VDR: variants seen among roughly 807,000 people sequenced by gnomAD.
VDR encodes vitamin D receptor.
In VDR, 19 loss-of-function variants were observed where a neutral mutation model predicts 39.7. The observed-to-expected ratio is 0.48, with a 90% CI of 0.33 to 0.70. The LOEUF is 0.70. VDR is among the 30% of genes least tolerant of loss of function. The pLI, the probability that VDR is intolerant of heterozygous loss-of-function variation, is 0.02. For synonymous variants in VDR, 242 were observed against 215.8 expected, an observed-to-expected ratio of 1.12 and a Z score of -1.07; for missense variants, 442 against 570.5, an observed-to-expected ratio of 0.77 and a Z score of 2.29.
At chr12:47,873,682 C>G (rs1592130083) in intron 3 of VDR, among the ~76,000 whole-genome samples, 1 of 151,968 alleles carries the variant, frequency 6.6e-6, no homozygotes, top group Non-Finnish European at 1.5e-5. Flanking sequence ...TTATAAATTA[C>G]TCAGTCTTGG....
At chr12:47,845,754 T>C (rs551836582) in intron 9 of VDR, among the ~76,000 whole-genome samples, 50 of 152,326 alleles carry the variant, frequency 3.3e-4, no homozygotes, top group African/African-American at 1.2e-3. Context: ...AAAGCATCCC[T>C]GGGCACAGGC....
Position 47,844,913 on chromosome 12 carries a change from G to A in VDR, c.1117C>T (p.Pro373Ser). The part of the protein sequence containing the change: ...LQTYIRCRHP[P>S]PGSHLLYAKM... ...GCATAGAGCAGGTGGCTGCCCGGGG[G>A]CGGGTGGCGGCAGCGGATGTACGTC... Residue 373 changes from proline to serine, a missense_variant, in exon 10 of 10, where the codon CCC becomes TCC. Pro to Ser is a moderately conservative substitution (Grantham distance 74, BLOSUM62 -1). This residue lies in a region of VDR where 173 missense variants were observed against 252.0 expected (regional missense o/e 0.69). Coordinates refer to ENST00000549336, the MANE Select transcript of VDR (RefSeq NM_000376.3). 6.2e-7 allele frequency: 1 copy of A among 1,614,168 alleles called. No individual in the cohort carries two copies.
intron 6 of VDR, 115 bp from the exon 7 acceptor site, chr12:47,855,916 C>A: frequency 1.6e-6 from 2 of 1,218,074 alleles, no homozygotes; most frequent in Non-Finnish European, 2.4e-6. Context: ...CTGGGAATCC[C>A]ACAGTGACTC....
chr12:47,846,497 G>T, intron 8 of VDR, 46 bp from the exon 9 acceptor site: 1 of 1,550,056 alleles, frequency 6.5e-7, no homozygotes, highest in South Asian at 1.2e-5. Flanking sequence ...CTGAGGAGCC[G>T]CCCACCCACC....
intron 3 of VDR, among the ~76,000 whole-genome samples, chr12:47,874,390 G>T (rs1945956630): frequency 6.6e-6 from 1 of 152,120 alleles, no homozygotes; most frequent in South Asian, 2.1e-4. Context: ...CTGGACATCT[G>T]CCCTATTTCT....
chr12:47,859,771 C>A (rs1310719274), intron 4 of VDR, among the ~76,000 whole-genome samples: 1 of 152,200 alleles, frequency 6.6e-6, no homozygotes, highest in Non-Finnish European at 1.5e-5. Context: ...AGGTCTCTTT[C>A]TCTAGATTAC....
chr12:47,867,353 CA>C (rs568615304), intron 3 of VDR, among the ~76,000 whole-genome samples: 19 of 143,220 alleles, frequency 1.3e-4, no homozygotes, highest in African/African-American at 1.8e-4. Flanking sequence ...GACTCTGTCT[CA>C]AAAAAAAAAG....
At chr12:47,879,400 C>T (rs1946092431) in intron 2 of VDR, among the ~76,000 whole-genome samples, 1 of 152,210 alleles carries the variant, frequency 6.6e-6, no homozygotes, top group South Asian at 2.1e-4. Context: ...AGTGGTTCAC[C>T]TCTGCATGCC....
At chr12:47,854,454 G>A (rs1037783596) in intron 7 of VDR, among the ~76,000 whole-genome samples, 4 of 152,164 alleles carry the variant, frequency 2.6e-5, no homozygotes, top group Admixed American at 6.5e-5. Context: ...ACATTTTGGT[G>A]AAGGATGCCA....
chr12:47,866,348 G>A (rs1041914821), intron 3 of VDR, among the ~76,000 whole-genome samples: 2 of 152,172 alleles, frequency 1.3e-5, no homozygotes, highest in Non-Finnish European at 2.9e-5. Flanking sequence ...GCCTGCCTCG[G>A]CCTCCCAAAG....
At chr12:47,898,601 A>G (rs1334482443) in intron 1 of VDR, 1 of 154,744 alleles carries the variant, frequency 6.5e-6, no homozygotes, top group Non-Finnish European at 1.5e-5. Context: ...GTAATAGCTC[A>G]ACTGGAAACA....
chr12:47,857,411 G>T (rs1945513389), intron 5 of VDR, 93 bp downstream of exon 5: 1 of 1,605,690 alleles, frequency 6.2e-7, no homozygotes, highest in South Asian at 1.1e-5. Context: ...TTCTGTTCAG[G>T]ATGTCCCCTG....
intron 1 of VDR, among the ~76,000 whole-genome samples, chr12:47,884,857 C>T (rs1368536459): frequency 6.6e-6 from 1 of 152,128 alleles, no homozygotes; most frequent in African/African-American, 2.4e-5. Context: ...TTCTGTCACC[C>T]AGCCCCTCTC....
chr12:47,903,806 A>G (rs1051664885), intron 1 of VDR, among the ~76,000 whole-genome samples: 1 of 152,188 alleles, frequency 6.6e-6, no homozygotes, highest in African/African-American at 2.4e-5. Context: ...CCCAGGAGAA[A>G]GATGAGATGT....
intron 1 of VDR, among the ~76,000 whole-genome samples, chr12:47,898,128 CAG>C (rs1946496269): frequency 1.3e-5 from 2 of 151,974 alleles, no homozygotes; most frequent in Non-Finnish European, 2.9e-5. Flanking sequence ...GGTGGAAGCC[CAG>C]AGAGGAAGGG....
At chr12:47,892,913 T>C (rs1210364234) in intron 1 of VDR, among the ~76,000 whole-genome samples, 1 of 152,088 alleles carries the variant, frequency 6.6e-6, no homozygotes, top group Non-Finnish European at 1.5e-5. Flanking sequence ...AGGAGTTTAA[T>C]GTGGTGTGGT....
intron 3 of VDR, among the ~76,000 whole-genome samples, chr12:47,872,109 A>T (rs1945895050): frequency 6.6e-6 from 1 of 152,266 alleles, no homozygotes; most frequent in African/African-American, 2.4e-5. Flanking sequence ...ACATTTAAAA[A>T]ATCCACTACC....
rs1485230321 is a variant in VDR at position 47,865,171 on chromosome 12, G to A, written c.153C>T (p.Ser51=). Residue 51 remains serine, a synonymous_variant, in exon 4 of 10, where the codon AGC becomes AGT. Transcript: ENST00000549336. ...CEGCKGFFRR[S]MKRKALFTCP... ...AGGTGAATAGTGCCTTCCGCTTCAT[G>A]CTTCGCCTGCCGAGAGAGCACACAC... 1.9e-6 allele frequency: 3 copies of A among 1,611,330 alleles called. No homozygotes were observed. The highest frequency in any genetic ancestry group is 2.5e-6 in the Non-Finnish European group (3 of 1,178,960).
chr12:47,853,978 G>A (rs1945436098), intron 7 of VDR, among the ~76,000 whole-genome samples: 1 of 152,060 alleles, frequency 6.6e-6, no homozygotes, highest in Admixed American at 6.5e-5. Flanking sequence ...ATTATATACA[G>A]TACTAGTGTT....
Sources: gnomAD v4.1 joint callset for allele counts (sites outside exome capture counted in the v4.1 genomes callset) on GRCh38, gnomAD v4.1.1 for gene constraint, gnomAD v4.1.1 regional missense constraint, MANE v1.5 for transcripts, NCBI Gene and HGNC (gene_info 2026-07-23, HGNC 2026-07-21) for gene names.